The following RGS22 variants were observed in gnomAD, a reference collection of about 807,000 sequenced individuals.
RGS22 encodes regulator of G-protein signaling 22.
RGS22 carries 148 observed loss-of-function variants against 172.9 expected under a neutral mutation model. The observed-to-expected ratio is 0.86, with a 90% CI of 0.75 to 0.98. The LOEUF is 0.98. Among genes scored for constraint, RGS22 ranks in the 50% least tolerant of loss-of-function variants. The pLI is 0.00. For synonymous variants in RGS22, 458 were observed against 480.2 expected (o/e 0.95, Z 0.60); for missense variants, 1,347 against 1,440.8 (o/e 0.93, Z 1.05).
rs1810978641 is a variant in RGS22 at position 100,071,517 on chromosome 8, T to C, written c.446A>G (p.Gln149Arg). 7.5e-6 allele frequency: 12 copies of C among 1,605,830 alleles called. No individual in the cohort carries two copies. Among genetic ancestry groups the C allele is most frequent in the Non-Finnish European group, 1.0e-5 (12 of 1,176,956 alleles). The part of the protein sequence containing the change: ...FEYRLAKLVS[Q>R]VRWSKSGMNF... Reference sequence around the variant, plus strand: ...CATGCCGGACTTGCTCCATCTTACTTGTGAGACCAATTTGGCTAACCTGCA... The same window carrying C: ...CATGCCGGACTTGCTCCATCTTACTCGTGAGACCAATTTGGCTAACCTGCA... Residue 149 changes from glutamine to arginine, a missense_variant, in exon 6 of 28, where the codon CAA becomes CGA. By Grantham distance (43) the Gln-to-Arg change is conservative. Coordinates refer to ENST00000360863, the MANE Select transcript of RGS22 (RefSeq NM_015668.5).
chr8:100,072,459 AT>A (rs1811058554), intron 4 of RGS22, among the ~76,000 whole-genome samples: 1 of 152,190 alleles, frequency 6.6e-6, no homozygotes, highest in Non-Finnish European at 1.5e-5. Context: ...ACTATATGTT[AT>A]TTCAATTTTT....
rs192267013 is a variant in RGS22, at chr8:100,022,496, A to G, written c.2167-13927T>C. Reference sequence around the variant, plus strand: ...GGTCATTGCTTAAGACATTTTAAGTAAAATCAGTTGAGTGCATGATGAAAT... The same window carrying G: ...GGTCATTGCTTAAGACATTTTAAGTGAAATCAGTTGAGTGCATGATGAAAT... On this transcript the variant is annotated intron_variant, in intron 14 of 27. Transcript: ENST00000360863. Among the ~76,000 whole-genome samples, 12 of 152,306 alleles carry G rather than the reference A, an allele frequency of 7.9e-5. No individual in the cohort carries two copies. The East Asian group carries it at 2.3e-3, about 29-fold the overall frequency.
chr8:100,084,967 T>C (rs1246139676), intron 3 of RGS22, among the ~76,000 whole-genome samples: 1 of 152,212 alleles, frequency 6.6e-6, no homozygotes, highest in African/African-American at 2.4e-5. Context: ...TACTAGAATA[T>C]TATGTCTGGT....
At chr8:100,078,222 A>T (rs1380152377) in intron 4 of RGS22, among the ~76,000 whole-genome samples, 6 of 151,862 alleles carry the variant, frequency 4.0e-5, no homozygotes, top group African/African-American at 7.3e-5. Flanking sequence ...ATATCATGTA[A>T]TTATTGATGT....
chr8:99,965,517 T>A (rs1810640984), intron 23 of RGS22, 87 bp from the exon 24 acceptor site: 3 of 954,924 alleles, frequency 3.1e-6, no homozygotes, highest in Middle Eastern at 2.7e-4. Flanking sequence ...TAACATCATA[T>A]GACATAATAT....
intron 16 of RGS22, 128 bp from the exon 17 acceptor site, chr8:100,004,226 G>T (rs1815430213): frequency 2.7e-6 from 3 of 1,129,648 alleles, no homozygotes; most frequent in South Asian, 5.2e-5. Context: ...TGGCAGAGTG[G>T]GTAAAGACTT....
chr8:99,982,250 G>A (rs950187123), intron 21 of RGS22, 134 bp from the exon 22 acceptor site: 1 of 652,726 alleles, frequency 1.5e-6, no homozygotes, highest in South Asian at 2.8e-5. Context: ...ATATTTCAAG[G>A]CTGTCTTTAA....
At chr8:100,032,340 A>G (rs1818911421) in intron 14 of RGS22, among the ~76,000 whole-genome samples, 1 of 152,194 alleles carries the variant, frequency 6.6e-6, no homozygotes, top group South Asian at 2.1e-4. Flanking sequence ...AGCAAATGGA[A>G]AACAAAAAAA....
intron 9 of RGS22, among the ~76,000 whole-genome samples, chr8:100,060,469 AT>A (rs1031293327): frequency 2.1e-5 from 3 of 141,024 alleles, no homozygotes; most frequent in Non-Finnish European, 3.1e-5. Flanking sequence ...AATACCAATC[AT>A]AAAAATGTCA....
intron 14 of RGS22, among the ~76,000 whole-genome samples, chr8:100,019,092 T>C (rs1184227317): frequency 6.6e-6 from 1 of 152,222 alleles, no homozygotes; most frequent in African/African-American, 2.4e-5. Context: ...AGATTCCAAT[T>C]AGCATACTGT....
intron 14 of RGS22, among the ~76,000 whole-genome samples, chr8:100,021,396 C>T (rs1817588434): frequency 6.6e-6 from 1 of 152,128 alleles, no homozygotes; most frequent in African/African-American, 2.4e-5. Flanking sequence ...AACTAAGCTT[C>T]AAATATTACA....
chr8:99,962,340 G>T, intron 27 of RGS22, 54 bp downstream of exon 27: 3 of 1,093,520 alleles, frequency 2.7e-6, no homozygotes, highest in South Asian at 2.6e-5. Flanking sequence ...GTACATGAAT[G>T]AGTGTATTAC....
rs756007965 is a variant in RGS22 at position 99,987,492 on chromosome 8, C to T, written c.3146G>A (p.Gly1049Asp). Residue 1049 changes from glycine to aspartate, a missense_variant, in exon 21 of 28, where the codon GGT (glycine) becomes GAT (aspartate). By Grantham distance (94) the Gly-to-Asp change is moderately conservative (BLOSUM62 -1). Coordinates refer to ENST00000360863, the MANE Select transcript of RGS22 (RefSeq NM_015668.5). The part of the protein sequence containing the change: ...VALKGDLLEN[G>D]LLFWQEVQKY... ...TTGTACTTCTTGCCAAAAGAGTAAA[C>T]CATTTTCCAATAAATCTCCTTTTAG... The T allele has an allele frequency of 1.1e-5, 17 of 1,611,138 alleles. No homozygotes were observed. Among genetic ancestry groups the T allele is most frequent in the Non-Finnish European group, 1.4e-5 (17 of 1,178,378 alleles).
rs1416216516 is a variant in RGS22 at position 99,965,414 on chromosome 8, T to C, written c.3536A>G (p.Tyr1179Cys). The C allele has an allele frequency of 2.5e-6, 4 of 1,610,210 alleles. No homozygotes were observed. The highest frequency in any genetic ancestry group is 2.7e-5 in the African/African-American group (2 of 74,870). Reference protein sequence around the residue: ...EKSGKDGIKQYANTSVPAIKT... With the variant: ...EKSGKDGIKQCANTSVPAIKT... ...GATAGCAGGCACTGAAGTATTTGCA[T>C]ATTGTTTGATTCCATCCTGTAATTA... Residue 1179 changes from tyrosine to cysteine, a missense_variant, in exon 24 of 28, where the codon TAT becomes TGT. Physicochemically the swap from Tyr to Cys is radical, Grantham distance 194 (BLOSUM62 -2). Transcript: ENST00000360863.
At chr8:100,105,792 G>T in intron 1 of RGS22, 105 bp downstream of exon 1, 1 of 996,178 alleles carries the variant, frequency 1.0e-6, no homozygotes, top group Non-Finnish European at 1.5e-6. Context: ...ATGTCTGGGA[G>T]CGGGGATACC....
intron 14 of RGS22, among the ~76,000 whole-genome samples, chr8:100,018,212 CAA>C (rs68011450): frequency 0.025 from 3,334 of 134,806 alleles, 85 homozygotes; most frequent in East Asian, 0.11. Flanking sequence ...GCATCTGTAT[CAA>C]AAAAAAAAAA....
intron 4 of RGS22, among the ~76,000 whole-genome samples, chr8:100,078,064 C>A (rs1311842729): frequency 6.6e-6 from 1 of 152,104 alleles, no homozygotes; most frequent in Non-Finnish European, 1.5e-5. Context: ...TTCATAATTG[C>A]ATAGTATACC....
At chr8:100,028,965 C>G (rs1303206955) in intron 14 of RGS22, among the ~76,000 whole-genome samples, 1 of 152,174 alleles carries the variant, frequency 6.6e-6, no homozygotes, top group East Asian at 1.9e-4. Flanking sequence ...CAATGCCTGT[C>G]TTGCTAAGAA....
chr8:100,042,973 C>G (rs1484851277), intron 11 of RGS22, among the ~76,000 whole-genome samples: 1 of 152,158 alleles, frequency 6.6e-6, no homozygotes, highest in Non-Finnish European at 1.5e-5. Context: ...AATTGCCCTT[C>G]CTCCTCCATT....
Sources: allele counts gnomAD v4.1 joint callset (sites outside exome capture counted in the v4.1 genomes callset), GRCh38; gene constraint gnomAD v4.1.1; transcripts MANE v1.5; gene names NCBI Gene and HGNC (gene_info 2026-07-23, HGNC 2026-07-21).